Variants in OCA2 observed in about 807,000 individuals in gnomAD.
OCA2 encodes OCA2 melanosomal transmembrane protein.
Under a neutral mutation model 100.2 loss-of-function variants are expected in OCA2, and 77 were observed. The observed-to-expected ratio is 0.77, with a 90% confidence interval of 0.64 to 0.93. OCA2 has a LOEUF of 0.93. Among genes scored for constraint, OCA2 ranks in the 40% least tolerant of loss-of-function variants. OCA2 has a pLI of 0.00. For missense variants in OCA2, 1,062 were observed against 1,089.1 expected, an observed-to-expected ratio of 0.98 and a Z score of 0.35; for synonymous variants, 432 against 439.2, an observed-to-expected ratio of 0.98 and a Z score of 0.21.
the OCA2 span, among the ~76,000 whole-genome samples, chr15:27,736,406 C>A: frequency 6.6e-6 from 1 of 152,150 alleles, no homozygotes; most frequent in East Asian, 1.9e-4. Flanking sequence ...ACTTTTTCCT[C>A]AGTTTATTTG....
At chr15:28,087,025 C>T (rs543437112) in intron 1 of OCA2, among the ~76,000 whole-genome samples, 1 of 152,308 alleles carries the variant, frequency 6.6e-6, no homozygotes, top group Admixed American at 6.5e-5. Flanking sequence ...ATTTGACGAT[C>T]TCATGGCTGA....
At chr15:27,883,128 C>G (rs2037088984) in intron 19 of OCA2, among the ~76,000 whole-genome samples, 1 of 152,174 alleles carries the variant, frequency 6.6e-6, no homozygotes, top group Non-Finnish European at 1.5e-5. Context: ...AGGTGCTGCT[C>G]TCTCTGACTC....
chr15:28,029,151 G>T (rs1050980152), intron 3 of OCA2, among the ~76,000 whole-genome samples: 1 of 152,206 alleles, frequency 6.6e-6, no homozygotes, highest in African/African-American at 2.4e-5. Flanking sequence ...ACACTAGAAT[G>T]GAGCCAGCTC....
chr15:27,763,550 T>A (rs1378533444), intron 23 of OCA2, among the ~76,000 whole-genome samples: 1 of 151,960 alleles, frequency 6.6e-6, no homozygotes, highest in African/African-American at 2.4e-5. Flanking sequence ...ATGCCTCACA[T>A]CACTAGCCAT....
chr15:28,008,197 C>T (rs2042142767), intron 9 of OCA2, among the ~76,000 whole-genome samples: 1 of 152,218 alleles, frequency 6.6e-6, no homozygotes, highest in South Asian at 2.1e-4. Flanking sequence ...TCTTCAAAGA[C>T]TTCCTCCCCA....
At chr15:27,923,192 C>G (rs1158987645) in intron 19 of OCA2, among the ~76,000 whole-genome samples, 1 of 152,134 alleles carries the variant, frequency 6.6e-6, no homozygotes, top group Admixed American at 6.6e-5. Context: ...TATGTTTATA[C>G]ATATACTTTA....
chr15:27,728,000 G>A, the OCA2 span, among the ~76,000 whole-genome samples: 7 of 152,172 alleles, frequency 4.6e-5, no homozygotes, highest in Non-Finnish European at 1.0e-4. Flanking sequence ...GCTTCCAAAG[G>A]TGTATGTCTC....
intron 23 of OCA2, among the ~76,000 whole-genome samples, chr15:27,833,121 A>T (rs2035025152): frequency 6.6e-6 from 1 of 152,198 alleles, no homozygotes. Context: ...CAGCCTGATA[A>T]ATTCTTTAGT....
intron 14 of OCA2, among the ~76,000 whole-genome samples, chr15:27,976,751 G>T (rs543533855): frequency 6.6e-6 from 1 of 152,208 alleles, no homozygotes; most frequent in South Asian, 2.1e-4. Context: ...AGGCCTCATA[G>T]AATTAATTGG....
chr15:27,729,051 T>C, the OCA2 span, among the ~76,000 whole-genome samples: 2 of 152,194 alleles, frequency 1.3e-5, no homozygotes, highest in Non-Finnish European at 1.5e-5. Context: ...CACTTACAGG[T>C]TCTGCTTTCC....
intron 21 of OCA2, among the ~76,000 whole-genome samples, chr15:27,870,710 AG>A (rs1567042207): frequency 0.013 from 1,525 of 115,422 alleles, 30 homozygotes; most frequent in African/African-American, 0.04. Flanking sequence ...GAAGGAAGGA[AG>A]GAAGGAAGGA....
At chr15:27,931,224 GAA>G (rs35703308) in intron 18 of OCA2, among the ~76,000 whole-genome samples, 29,387 of 151,884 alleles carry the variant, frequency 0.19, 4,127 homozygotes, top group East Asian at 0.61. Context: ...TATTTGAGGG[GAA>G]AAAAAAATCT....
chr15:27,725,057 G>A, the OCA2 span, among the ~76,000 whole-genome samples: 1 of 152,160 alleles, frequency 6.6e-6, no homozygotes, highest in Non-Finnish European at 1.5e-5. Context: ...CAAGATCAGG[G>A]ATCAGGAAAG....
Position 28,014,879 on chromosome 15 carries a change from A to G in OCA2, c.941T>C (p.Val314Ala). 6.2e-6 allele frequency: 10 copies of G among 1,614,138 alleles called. No homozygotes were observed. Among genetic ancestry groups the G allele is most frequent in the Non-Finnish European group, 8.5e-6 (10 of 1,180,024 alleles). The change falls in exon 9 of 24, where the codon GTC becomes GCC. Residue 314 changes from valine (V) to alanine (A), a missense_variant. By Grantham distance (64) the Val-to-Ala change is moderately conservative. Transcript: ENST00000354638. The part of the protein sequence containing the change: ...IRASLQQTQA[V>A]PLLMAHQYLR... ...GTACTGATGAGCCATCAAAAGAGGG[A>G]CAGCCTGGGTCTGCTGCAGGGAGGC...
At chr15:27,973,144 A>G (rs2040860034) in intron 14 of OCA2, among the ~76,000 whole-genome samples, 1 of 152,140 alleles carries the variant, frequency 6.6e-6, no homozygotes, top group East Asian at 1.9e-4. Context: ...TGCTGGGATT[A>G]CAGGCGTGAG....
chr15:27,741,453 C>T, the OCA2 span, among the ~76,000 whole-genome samples: 83 of 152,188 alleles, frequency 5.5e-4, no homozygotes, highest in African/African-American at 1.7e-3. Flanking sequence ...AGGAGTGAGC[C>T]GGTGTCGTGA....
intron 23 of OCA2, among the ~76,000 whole-genome samples, chr15:27,805,052 A>G (rs1004117804): frequency 6.6e-6 from 1 of 152,140 alleles, no homozygotes; most frequent in African/African-American, 2.4e-5. Flanking sequence ...GCCACCAAGA[A>G]GCCCCTGCAA....
At chr15:27,876,637 G>T (rs2036803200) in intron 19 of OCA2, among the ~76,000 whole-genome samples, 2 of 151,818 alleles carry the variant, frequency 1.3e-5, no homozygotes, top group Admixed American at 1.3e-4. Context: ...ACTCTATTTT[G>T]ATTTTCTATT....
intron 18 of OCA2, among the ~76,000 whole-genome samples, chr15:27,943,530 T>C (rs535246215): frequency 2.4e-4 from 37 of 152,184 alleles, no homozygotes; most frequent in African/African-American, 8.0e-4. Flanking sequence ...ACTCTGGTAA[T>C]TTTTTAGGTC....
Sources: gnomAD v4.1 joint callset for allele counts (sites outside exome capture counted in the v4.1 genomes callset) on GRCh38, gnomAD v4.1.1 for gene constraint, MANE v1.5 for transcripts, NCBI Gene and HGNC (gene_info 2026-07-23, HGNC 2026-07-21) for gene names.